The following RAPGEF5 variants were observed in gnomAD, a reference collection of about 807,000 sequenced individuals.
RAPGEF5 encodes the protein M-Ras-regulated GEF.
A neutral mutation model predicts 125.2 loss-of-function variants in RAPGEF5; 65 were observed. The ratio of observed to expected loss-of-function variants is 0.52; its 90% confidence interval spans 0.43 to 0.64. The LOEUF is 0.64. Among genes scored for constraint, RAPGEF5 ranks in the 30% least tolerant of loss-of-function variants. RAPGEF5 has a pLI of 0.00. For missense variants in RAPGEF5, 958 were observed against 1,048.1 expected, an observed-to-expected ratio of 0.91 and a Z score of 1.19; for synonymous variants, 391 against 385.9, an observed-to-expected ratio of 1.01 and a Z score of -0.16.
At chr7:22,216,397 T>G (rs117890863) in intron 9 of RAPGEF5, among the ~76,000 whole-genome samples, 4,410 of 152,134 alleles carry the variant, frequency 0.029, 103 homozygotes, top group East Asian at 0.088. Context: ...AGCCCACCCC[T>G]CTCCATTCCC....
intron 17 of RAPGEF5, among the ~76,000 whole-genome samples, chr7:22,152,676 T>C (rs1783666567): frequency 6.6e-6 from 1 of 152,196 alleles, no homozygotes; most frequent in South Asian, 2.1e-4. Context: ...AAACTTTTTT[T>C]TTGACAAAAA....
In RAPGEF5 at chr7:22,140,072, T is replaced by C. The variant is rs1320302584; in HGVS notation, c.2230A>G (p.Met744Val). ...CTGACAGAAGCAGTGTTGAGACCCA[T>C]CACAATGGCAAAGAAAGAATTCAGG... Reference protein sequence around the residue: ...RNLNSFFAIVMGLNTASVSRL... With the variant: ...RNLNSFFAIVVGLNTASVSRL... The change falls in exon 21 of 26, where the codon ATG (methionine) becomes GTG (valine). Residue 744 changes from methionine to valine, a missense_variant. Met to Val is a conservative substitution (Grantham distance 21). Coordinates refer to ENST00000665637, the MANE Select transcript of RAPGEF5 (RefSeq NM_012294.5). 1.9e-6 allele frequency: 3 copies of C among 1,567,068 alleles called. No individual in the cohort carries two copies. The highest frequency in any genetic ancestry group is 2.4e-5 in the South Asian group (2 of 84,714).
chr7:22,349,211 G>A (rs1321977758), intron 1 of RAPGEF5, among the ~76,000 whole-genome samples: 2 of 151,546 alleles, frequency 1.3e-5, no homozygotes, highest in Non-Finnish European at 2.9e-5. Context: ...ATCACTTGAG[G>A]TCAGGAGTTC....
chr7:22,155,769 T>C (rs1287710643), intron 16 of RAPGEF5, among the ~76,000 whole-genome samples: 1 of 152,190 alleles, frequency 6.6e-6, no homozygotes, highest in African/African-American at 2.4e-5. Flanking sequence ...CATAGAAAGA[T>C]GGAATTTTTA....
At chr7:22,192,603 A>C (rs983784721) in intron 11 of RAPGEF5, 4 of 152,252 alleles carry the variant, frequency 2.6e-5, no homozygotes, top group African/African-American at 9.6e-5. Context: ...TATTCATTGG[A>C]ATAACTGCTC....
chr7:22,229,641 G>T (rs1230041991), intron 8 of RAPGEF5, among the ~76,000 whole-genome samples: 1 of 152,060 alleles, frequency 6.6e-6, no homozygotes, highest in African/African-American at 2.4e-5. Flanking sequence ...AGCTCACCTC[G>T]CATGACTTGA....
chr7:22,132,488 G>A (rs778633813), intron 23 of RAPGEF5, among the ~76,000 whole-genome samples: 4 of 150,840 alleles, frequency 2.7e-5, no homozygotes, highest in Non-Finnish European at 2.9e-5. Context: ...TTGAAATTTT[G>A]CTTGCAGAAA....
At chr7:22,144,920 G>A in intron 20 of RAPGEF5, 124 bp downstream of exon 20, 2 of 1,099,194 alleles carry the variant, frequency 1.8e-6, no homozygotes, top group African/African-American at 1.6e-5. Flanking sequence ...CAGCCATTTA[G>A]TCATTTAACT....
chr7:22,129,842 G>T (rs1343621952), intron 24 of RAPGEF5, among the ~76,000 whole-genome samples: 1 of 152,174 alleles, frequency 6.6e-6, no homozygotes, highest in Non-Finnish European at 1.5e-5. Context: ...CAGATGCTTG[G>T]GTTTTGGGGG....
intron 11 of RAPGEF5, among the ~76,000 whole-genome samples, chr7:22,188,800 A>C (rs185737116): frequency 6.6e-6 from 1 of 151,464 alleles, no homozygotes; most frequent in African/African-American, 2.4e-5. Flanking sequence ...TAGGTTGACC[A>C]TCAAGAGCTT....
At chr7:22,352,992 AAG>A (rs1784358001) in intron 1 of RAPGEF5, among the ~76,000 whole-genome samples, 1 of 152,234 alleles carries the variant, frequency 6.6e-6, no homozygotes, top group African/African-American at 2.4e-5. Context: ...CCATCTCAAA[AAG>A]AGAGATATCC....
Position 22,139,740 on chromosome 7 carries a change from C to T in RAPGEF5, c.2277+285G>A, listed in dbSNP as rs746483631. On this transcript the variant is annotated intron_variant, in intron 21 of 25. Coordinates refer to ENST00000665637, the MANE Select transcript of RAPGEF5 (RefSeq NM_012294.5). ...ATCACAGCAAACGCACTTCTGAGCA[C>T]GCATCATCATGCGGGGAGACTGTGG... 9.5e-4 allele frequency: 288 copies of T among 304,296 alleles called. 2 individuals are homozygous for T. The highest frequency in any genetic ancestry group is 1.6e-3 in the Non-Finnish European group (249 of 159,148). The allele number at this position is 304,296 out of a possible 1,614,324, so 18.8% of individuals were successfully genotyped here.
chr7:22,213,094 G>A (rs1195476844), intron 9 of RAPGEF5, among the ~76,000 whole-genome samples: 1 of 152,140 alleles, frequency 6.6e-6, no homozygotes, highest in African/African-American at 2.4e-5. Context: ...ATAAACTTGA[G>A]CACCGTCAAA....
Position 22,122,420 on chromosome 7 carries a change from C to T in RAPGEF5, c.2638G>A (p.Glu880Lys), listed in dbSNP as rs1275627789. The change falls in exon 26 of 26, where the codon GAG becomes AAG. Residue 880 changes from glutamate (E) to lysine (K), a missense_variant. Glu to Lys is a moderately conservative substitution (Grantham distance 56, BLOSUM62 1). Coordinates refer to ENST00000665637, the MANE Select transcript of RAPGEF5 (RefSeq NM_012294.5). ...QALFELSHRI[E>K]PRV ...GGCAGTGGGGCTCACACCCGAGGCTCGATCCTGTGTGAGAGCTCAAACAGA... is the reference window on the plus strand; with the variant it reads ...GGCAGTGGGGCTCACACCCGAGGCTTGATCCTGTGTGAGAGCTCAAACAGA... 2.5e-6 allele frequency: 4 copies of T among 1,613,284 alleles called. No individual in the cohort carries two copies. The highest frequency in any genetic ancestry group is 1.1e-5 in the South Asian group (1 of 91,036).
At chr7:22,231,881 G>C (rs532816561) in intron 7 of RAPGEF5, among the ~76,000 whole-genome samples, 1 of 152,194 alleles carries the variant, frequency 6.6e-6, no homozygotes, top group African/African-American at 2.4e-5. Flanking sequence ...AACCACGAAA[G>C]AATTTTAAAT....
chr7:22,266,912 A>G, intron 7 of RAPGEF5, 52 bp downstream of exon 7: 1 of 1,536,126 alleles, frequency 6.5e-7, no homozygotes, highest in Non-Finnish European at 9.0e-7. Context: ...TGATATGTGA[A>G]ATACCCCCAA....
intron 7 of RAPGEF5, among the ~76,000 whole-genome samples, chr7:22,254,330 C>T (rs1416420006): frequency 3.3e-5 from 5 of 151,568 alleles, no homozygotes; most frequent in Non-Finnish European, 7.4e-5. Flanking sequence ...AAAAAAAGGC[C>T]GGGCATGGTG....
At chr7:22,146,164 G>A (rs1034003852) in intron 19 of RAPGEF5, among the ~76,000 whole-genome samples, 3 of 152,108 alleles carry the variant, frequency 2.0e-5, no homozygotes, top group Non-Finnish European at 4.4e-5. Context: ...AGGACATTTG[G>A]GTCTCTAAAT....
chr7:22,267,353 T>C (rs1033951951), intron 6 of RAPGEF5, among the ~76,000 whole-genome samples: 4 of 152,176 alleles, frequency 2.6e-5, no homozygotes, highest in African/African-American at 9.7e-5. Context: ...TATTAAAATA[T>C]ACATGATACC....
Sources: gnomAD v4.1 joint callset for allele counts (sites outside exome capture counted in the v4.1 genomes callset) on GRCh38, gnomAD v4.1.1 for gene constraint, MANE v1.5 for transcripts, NCBI Gene and HGNC (gene_info 2026-07-23, HGNC 2026-07-21) for gene names.